SPATA13: variants seen among roughly 807,000 people sequenced by gnomAD.
SPATA13 encodes spermatogenesis associated 13, also known as spermatogenesis-associated protein 13.
A neutral mutation model predicts 104.0 loss-of-function variants in SPATA13; 50 were observed. The ratio of observed to expected loss-of-function variants is 0.48; its 90% CI spans 0.38 to 0.61. The LOEUF (loss-of-function observed/expected upper bound fraction) is 0.61. SPATA13 is among the 20% of genes least tolerant of loss of function. The pLI is 0.00. For missense variants in SPATA13, 1,524 were observed against 1,690.6 expected, an observed-to-expected ratio of 0.90 and a Z score of 1.73; for synonymous variants, 606 against 667.5, an observed-to-expected ratio of 0.91 and a Z score of 1.42.
At chr13:24,098,242 A>G (rs1880143843) in intron 3 of SPATA13, among the ~76,000 whole-genome samples, 1 of 152,196 alleles carries the variant, frequency 6.6e-6, no homozygotes, top group Non-Finnish European at 1.5e-5. Context: ...ATAAACAGAA[A>G]TAAAATAAAA....
At chr13:24,201,929 T>C (rs1273266171) in intron 1 of SPATA13, among the ~76,000 whole-genome samples, 1 of 152,190 alleles carries the variant, frequency 6.6e-6, no homozygotes, top group African/African-American at 2.4e-5. Context: ...TTTTCCAGAA[T>C]GTCATGTAGT....
intron 3 of SPATA13, among the ~76,000 whole-genome samples, chr13:24,139,846 T>C (rs1011766761): frequency 6.6e-6 from 1 of 152,124 alleles, no homozygotes; most frequent in African/African-American, 2.4e-5. Flanking sequence ...GGAGGGCGGA[T>C]AACGAGGTCA....
intron 1 of SPATA13, among the ~76,000 whole-genome samples, chr13:24,181,591 A>G (rs376475254): frequency 1.3e-5 from 2 of 152,200 alleles, no homozygotes; most frequent in East Asian, 3.9e-4. Context: ...GCCTAGGTCT[A>G]CATAGGGTCA....
At position 24,300,284 on chromosome 13, in the gene SPATA13, G is replaced by A. The variant is rs372084912; in HGVS notation, c.3584-117G>A. The A allele has an allele frequency of 3.3e-5, 24 of 717,384 alleles. No homozygotes were observed. The East Asian group carries it at 3.6e-4, about 11-fold the overall frequency. The allele number at this position is 717,384 out of a possible 1,614,324, so 44.4% of individuals were successfully genotyped here. ...CTGTCCACGTTCTTTGAGGATTAAG[G>A]TTCTCTGTCTCAGGTTGTGGTGATA... On this transcript the variant is annotated intron_variant, in intron 11 of 12. Transcript: ENST00000382108.
chr13:24,191,804 C>A (rs1387353843), intron 1 of SPATA13, among the ~76,000 whole-genome samples: 1 of 152,114 alleles, frequency 6.6e-6, no homozygotes, highest in Non-Finnish European at 1.5e-5. Context: ...GCCACTGCGA[C>A]CAGCTACATT....
intron 4 of SPATA13, among the ~76,000 whole-genome samples, chr13:24,255,289 C>G (rs1171876463): frequency 6.6e-6 from 1 of 152,156 alleles, no homozygotes; most frequent in South Asian, 2.1e-4. Flanking sequence ...CTCCCTGGCT[C>G]TGCTCCATCA....
At chr13:24,245,040 C>T (rs1437445813) in intron 2 of SPATA13, among the ~76,000 whole-genome samples, 1 of 152,064 alleles carries the variant, frequency 6.6e-6, no homozygotes, top group Non-Finnish European at 1.5e-5. Flanking sequence ...GAGGGCAGGT[C>T]TCTATGATGG....
intron 2 of SPATA13, among the ~76,000 whole-genome samples, chr13:24,225,234 C>T (rs1871862911): frequency 6.6e-6 from 1 of 152,248 alleles, no homozygotes; most frequent in Non-Finnish European, 1.5e-5. Context: ...AGTGAGTGAG[C>T]ATGGAGTCCA....
Position 24,223,205 on chromosome 13 carries a change from C to T in SPATA13, c.276C>T (p.Ser92=). The stretch of plus-strand genomic sequence containing the variant: ...GTGCCCACCCCGAGCGGCCCCACTC[C>T]ATGGTCCTGGTGGGGAACTCCTCCA... ...RTGAHPERPH[S]MVLVGNSSTW... is the part of the protein sequence containing the mutation. The change falls in exon 2 of 13, where the codon TCC becomes TCT. Residue 92 remains serine, a synonymous_variant. Transcript: ENST00000382108. The T allele has an allele frequency of 6.4e-7, 1 of 1,551,698 alleles. No homozygotes were observed. Among genetic ancestry groups the T allele is most frequent in the Non-Finnish European group, 8.7e-7 (1 of 1,147,006 alleles).
intron 3 of SPATA13, among the ~76,000 whole-genome samples, chr13:24,086,456 C>T (rs1313480873): frequency 6.6e-6 from 1 of 151,960 alleles, no homozygotes; most frequent in East Asian, 1.9e-4. Context: ...CATAGGGAAA[C>T]GTGGGCAGTC....
intron 3 of SPATA13, among the ~76,000 whole-genome samples, chr13:24,104,968 G>C (rs143980016): frequency 1.9e-3 from 290 of 152,270 alleles, no homozygotes; most frequent in Admixed American, 3.9e-3. Context: ...CTGCCTGACA[G>C]TCTCATGTCC....
intron 2 of SPATA13, among the ~76,000 whole-genome samples, chr13:24,236,275 TCAA>T (rs954260711): frequency 1.8e-4 from 28 of 152,062 alleles, no homozygotes; most frequent in African/African-American, 4.6e-4. Context: ...AATGATATCT[TCAA>T]CAACAACAAA....
At position 24,059,249 on chromosome 13, in the gene SPATA13, G is replaced by A. The variant is rs184050783; in HGVS notation, c.-112+41548G>A. Among the ~76,000 whole-genome samples the A allele has an allele frequency of 2.2e-3, 334 of 151,810 alleles. 6 individuals carry two copies. The highest frequency in any genetic ancestry group is 3.4e-3 in the Non-Finnish European group (234 of 67,856). The stretch of plus-strand genomic sequence containing the variant: ...GCCTCCTAAAGTGCTGGGATTACAG[G>A]TGTGGCCCACTGCATCCGGCCTGGC... On this transcript the variant is annotated intron_variant, in intron 3 of 14. Coordinates refer to the SPATA13 transcript ENST00000424834.
intron 3 of SPATA13, among the ~76,000 whole-genome samples, chr13:24,077,577 T>C (rs1252028635): frequency 6.6e-6 from 1 of 151,796 alleles, no homozygotes; most frequent in African/African-American, 2.4e-5. Flanking sequence ...GTACACAAGA[T>C]ACCCCGTAAC....
At chr13:24,133,087 T>G (rs1402610643) in intron 3 of SPATA13, among the ~76,000 whole-genome samples, 3 of 152,218 alleles carry the variant, frequency 2.0e-5, no homozygotes, top group Non-Finnish European at 2.9e-5. Flanking sequence ...TAGCAATGGA[T>G]TCCCACGTAT....
Position 24,290,706 on chromosome 13 carries a change from C to G in SPATA13, c.2902C>G (p.Leu968Val), listed in dbSNP as rs1876288296. The G allele has an allele frequency of 6.2e-7, 1 of 1,614,232 alleles. No individual in the cohort carries two copies. Among genetic ancestry groups the G allele is most frequent in the Non-Finnish European group, 8.5e-7 (1 of 1,180,046 alleles). Residue 968 changes from leucine to valine, a missense_variant, in exon 9 of 13, where the codon CTG becomes GTG. Around this residue, in one of 2 missense-constraint regions of SPATA13, gnomAD observed 435 missense variants for 554.8 expected, o/e 0.78. Coordinates refer to ENST00000382108, the MANE Select transcript of SPATA13 (RefSeq NM_001166271.3). ...EYCNNHPGAC[L>V]ELANLMKQGK... ...CTGCAACAACCACCCGGGCGCCTGC[C>G]TGGAGCTCGCCAACCTCATGAAGCA...
Position 24,251,810 on chromosome 13 carries a change from C to G in SPATA13, c.2112C>G (p.Thr704=), listed in dbSNP as rs372714356. 4.3e-6 allele frequency: 7 copies of G among 1,614,064 alleles called. No homozygotes were observed. Among genetic ancestry groups the G allele is most frequent in the Non-Finnish European group, 5.9e-6 (7 of 1,180,004 alleles). Residue 704 remains threonine, a synonymous_variant, in exon 4 of 13, where the codon ACC becomes ACG. Transcript: ENST00000382108. ...GGCCCTTCACATTCTCCCAGAGCAC[C>G]CCCATTGGGTTGGACCGTGTGGGAC... ...RFRPFTFSQS[T]PIGLDRVGRR... is the part of the protein sequence containing the mutation.
chr13:24,088,951 C>T lies in SPATA13; in HGVS notation c.-112+71250C>T, dbSNP rs1395801449. ...GAAGGGAATGATCTGGGTCTGGAGA[C>T]AGGGATGCGGTCATCGACAGCTCTG... On this transcript the variant is annotated intron_variant, in intron 3 of 14. Coordinates refer to the SPATA13 transcript ENST00000424834. This position sits in a 1 kb window ranked among gnomAD's most constrained non-coding sequence, Gnocchi z 4.3. 6.6e-6 allele frequency among the ~76,000 whole-genome samples: 1 copy of T among 152,174 alleles called. No homozygotes were observed. Among genetic ancestry groups the T allele is most frequent in the African/African-American group, 2.4e-5 (1 of 41,434 alleles).
intron 9 of SPATA13, among the ~76,000 whole-genome samples, chr13:24,292,519 G>C (rs12866223): frequency 0.078 from 11,820 of 152,278 alleles, 523 homozygotes; most frequent in Non-Finnish European, 0.1. Context: ...GCTCTGGAGA[G>C]GGTCATCTCA....
Sources: gnomAD v4.1 joint callset for allele counts (sites outside exome capture counted in the v4.1 genomes callset) on GRCh38, gnomAD v4.1.1 for gene constraint, gnomAD v4.1.1 regional missense constraint, Gnocchi (gnomAD v3.1) non-coding constraint, MANE v1.5 for transcripts, NCBI Gene and HGNC (gene_info 2026-07-23, HGNC 2026-07-21) for gene names.